Variants in ZFP1 observed in about 807,000 individuals in gnomAD.
ZFP1 encodes ZFP1 zinc finger protein.
In ZFP1, 32 loss-of-function variants were observed where a neutral mutation model predicts 38.5. The ratio of observed to expected loss-of-function variants is 0.83; its 90% confidence interval spans 0.63 to 1.12. ZFP1 has a LOEUF of 1.12. Among genes scored for constraint, ZFP1 ranks in the 50% most tolerant of loss-of-function variants. The pLI, the probability that ZFP1 is intolerant of heterozygous loss-of-function variation, is 0.00. For synonymous variants in ZFP1, 245 were observed against 168.8 expected (o/e 1.45, Z -3.50); for missense variants, 616 against 480.8 (o/e 1.28, Z -2.63).
At chr16:75,120,882 C>T in the ZFP1 span, among the ~76,000 whole-genome samples, 6 of 152,212 alleles carry the variant, frequency 3.9e-5, no homozygotes, top group African/African-American at 1.4e-4. Context: ...GCCTCAGCCT[C>T]CCAAAGTGCT....
At chr16:75,138,941 G>A in the ZFP1 span, among the ~76,000 whole-genome samples, 1 of 152,120 alleles carries the variant, frequency 6.6e-6, no homozygotes. Context: ...CTATGATGAC[G>A]TAATGGAAGT....
the ZFP1 span, among the ~76,000 whole-genome samples, chr16:75,123,211 G>T: frequency 1.3e-5 from 2 of 151,154 alleles, no homozygotes; most frequent in Non-Finnish European, 2.9e-5. Flanking sequence ...AAAATTAGCT[G>T]GGCACAGTGG....
intron 2 of ZFP1, among the ~76,000 whole-genome samples, chr16:75,165,486 C>T (rs1019945997): frequency 4.6e-5 from 7 of 152,016 alleles, no homozygotes; most frequent in Admixed American, 2.0e-4. Context: ...CCTCCACCTC[C>T]CAGGTTCAAG....
intron 2 of ZFP1, among the ~76,000 whole-genome samples, chr16:75,165,039 A>G (rs945593337): frequency 6.6e-6 from 1 of 152,038 alleles, no homozygotes; most frequent in Non-Finnish European, 1.5e-5. Context: ...TCATGACCTC[A>G]GGTGATCCAC....
chr16:75,146,110 AC>A (rs1431660104), upstream of ZFP1, among the ~76,000 whole-genome samples: 2 of 151,322 alleles, frequency 1.3e-5, no homozygotes, highest in African/African-American at 4.9e-5. Flanking sequence ...GGTCCAGGGA[AC>A]TCTCCTGTCT....
At chr16:75,162,792 A>G (rs566871622) in intron 2 of ZFP1, among the ~76,000 whole-genome samples, 2 of 152,206 alleles carry the variant, frequency 1.3e-5, no homozygotes, top group Non-Finnish European at 2.9e-5. Flanking sequence ...TAATTCAGTT[A>G]GGTTAATACC....
upstream of ZFP1, among the ~76,000 whole-genome samples, chr16:75,144,936 C>T (rs937504697): frequency 1.3e-5 from 2 of 152,190 alleles, no homozygotes; most frequent in Non-Finnish European, 2.9e-5. Flanking sequence ...GTCAAGTGAT[C>T]TTCCTGCCTC....
chr16:75,168,270 C>G (rs965987694), intron 3 of ZFP1, among the ~76,000 whole-genome samples: 10 of 152,202 alleles, frequency 6.6e-5, no homozygotes, highest in Non-Finnish European at 1.2e-4. Flanking sequence ...AACAGTGTAT[C>G]TTAGCCTTGC....
At chr16:75,168,474 A>ATCTCTAAATAG (rs1489285406) in intron 3 of ZFP1, among the ~76,000 whole-genome samples, 2 of 152,072 alleles carry the variant, frequency 1.3e-5, no homozygotes, top group African/African-American at 4.8e-5. Flanking sequence ...GGGAGACCCT[A>ATCTCTAAATAG]TCTCTAAATA....
intron 2 of ZFP1, among the ~76,000 whole-genome samples, chr16:75,161,193 G>A (rs535325988): frequency 3.0e-4 from 46 of 151,956 alleles, no homozygotes; most frequent in Non-Finnish European, 5.0e-4. Flanking sequence ...TCAGCCTCCC[G>A]AGTAGCTGGG....
intron 2 of ZFP1, among the ~76,000 whole-genome samples, chr16:75,155,856 T>A (rs932339241): frequency 6.6e-6 from 1 of 152,226 alleles, no homozygotes; most frequent in Non-Finnish European, 1.5e-5. Flanking sequence ...AGTCTTAATA[T>A]AAAATTTAGT....
At chr16:75,121,484 A>G in the ZFP1 span, among the ~76,000 whole-genome samples, 1 of 152,082 alleles carries the variant, frequency 6.6e-6, no homozygotes, top group Non-Finnish European at 1.5e-5. Context: ...TGGCACCATC[A>G]GACTTTTTCT....
chr16:75,137,748 G>A, the ZFP1 span, among the ~76,000 whole-genome samples: 2 of 152,006 alleles, frequency 1.3e-5, no homozygotes, highest in African/African-American at 4.8e-5. Context: ...TTACAGGCAT[G>A]AGCCAACACG....
At chr16:75,157,002 CTG>C (rs769186334) in intron 2 of ZFP1, 1 of 152,240 alleles carries the variant, frequency 6.6e-6, no homozygotes, top group Non-Finnish European at 1.5e-5. Flanking sequence ...TTTTGAATCA[CTG>C]TGTTCCAGTC....
At chr16:75,139,387 A>AAAAAACAAAAAC in the ZFP1 span, among the ~76,000 whole-genome samples, 1 of 144,126 alleles carries the variant, frequency 6.9e-6, no homozygotes, top group African/African-American at 2.8e-5. Flanking sequence ...AAAAAAAAAA[A>AAAAAACAAAAAC]AAAAAAAAAC....
In ZFP1 at chr16:75,165,714, G is replaced by A. The variant is rs181109003; in HGVS notation, c.16-1056G>A. 2.4e-3 allele frequency among the ~76,000 whole-genome samples: 361 copies of A among 151,888 alleles called. 3 individuals carry two copies. The highest frequency in any genetic ancestry group is 3.9e-3 in the Non-Finnish European group (263 of 67,976). ...TTTTAAATCAGTTTTGTTATATGCT[G>A]AGTATTTTTTTTTTTTAATGTACTT... On this transcript the variant is annotated intron_variant, in intron 2 of 3. Coordinates refer to ENST00000570010, the MANE Select transcript of ZFP1 (RefSeq NM_153688.4).
At position 75,170,167 on chromosome 16, in the gene ZFP1, G is replaced by A. The variant is rs2038346529; in HGVS notation, c.1057G>A (p.Glu353Lys). ...AACTCATACAGGAGAGAAACCCTAT[G>A]AATGTACTGAGTGCGGCAAAACTTT... is the stretch of plus-strand genomic sequence containing the variant. ...MRTHTGEKPY[E>K]CTECGKTFSQ... Residue 353 changes from glutamate to lysine, a missense_variant, in exon 4 of 4, where the codon GAA becomes AAA. Coordinates refer to ENST00000570010, the MANE Select transcript of ZFP1 (RefSeq NM_153688.4). 2 of 1,614,034 alleles carry A rather than the reference G, an allele frequency of 1.2e-6. No homozygotes were observed. The highest frequency in any genetic ancestry group is 1.7e-6 in the Non-Finnish European group (2 of 1,180,032).
At chr16:75,138,668 G>A in the ZFP1 span, among the ~76,000 whole-genome samples, 1 of 152,216 alleles carries the variant, frequency 6.6e-6, no homozygotes, top group Admixed American at 6.5e-5. Context: ...AAGAGGTGAA[G>A]AGAAATGGAC....
rs376683622 is a variant in ZFP1 at position 75,169,404 on chromosome 16, T to G, written c.294T>G (p.Ser98=). 4.0e-5 allele frequency: 65 copies of G among 1,614,070 alleles called. No individual in the cohort carries two copies. The highest frequency in any genetic ancestry group is 5.3e-5 in the Non-Finnish European group (63 of 1,180,034). ...KALNLNTDFV[S]LRQVPYKYDL... ...TTAATCTGAACACAGACTTTGTTTC[T>G]TTAAGACAAGTACCTTATAAATATG... is the stretch of plus-strand genomic sequence containing the variant. Residue 98 remains serine (S), a synonymous_variant, in exon 4 of 4, where the codon TCT becomes TCG. Transcript: ENST00000570010.
Sources: allele counts gnomAD v4.1 joint callset (sites outside exome capture counted in the v4.1 genomes callset), GRCh38; gene constraint gnomAD v4.1.1; transcripts MANE v1.5; gene names NCBI Gene and HGNC (gene_info 2026-07-23, HGNC 2026-07-21).